Variants in EYS observed in about 807,000 individuals in gnomAD.
EYS encodes protein eyes shut homolog.
EYS carries 250 observed loss-of-function variants against 282.1 expected under a neutral mutation model. The observed-to-expected ratio is 0.89, with a 90% confidence interval of 0.80 to 0.98. The LOEUF (loss-of-function observed/expected upper bound fraction) is 0.98, where lower values mean the gene tolerates loss of function less well. EYS is among the 50% of genes least tolerant of loss of function. The pLI, the probability that EYS is intolerant of heterozygous loss-of-function variation, is 0.00. For synonymous variants in EYS, 1,355 were observed against 1,282.9 expected, an observed-to-expected ratio of 1.06 and a Z score of -1.20; for missense variants, 4,016 against 3,709.0, an observed-to-expected ratio of 1.08 and a Z score of -2.15.
chr6:65,419,743 A>C (rs1767381434), intron 5 of EYS, among the ~76,000 whole-genome samples: 1 of 151,968 alleles, frequency 6.6e-6, no homozygotes, highest in South Asian at 2.1e-4. Context: ...TTTTGTTTAT[A>C]CTAAGTTTTT....
intron 28 of EYS, among the ~76,000 whole-genome samples, chr6:64,431,587 C>T (rs886442315): frequency 2.0e-5 from 3 of 151,962 alleles, no homozygotes; most frequent in African/African-American, 4.8e-5. Context: ...GTTAGCCTAC[C>T]CTATTAAGGA....
intron 31 of EYS, among the ~76,000 whole-genome samples, chr6:64,196,086 T>C (rs1335665363): frequency 6.6e-6 from 1 of 152,074 alleles, no homozygotes; most frequent in African/African-American, 2.4e-5. Context: ...GGGCAAAGGA[T>C]ATGAACAGAC....
intron 13 of EYS, among the ~76,000 whole-genome samples, chr6:65,038,985 T>C (rs1772850737): frequency 6.6e-6 from 1 of 151,556 alleles, no homozygotes; most frequent in Non-Finnish European, 1.5e-5. Context: ...CTTATTCATT[T>C]TCTAAATAGT....
At chr6:64,178,395 G>T (rs931110944) in intron 31 of EYS, among the ~76,000 whole-genome samples, 2 of 152,190 alleles carry the variant, frequency 1.3e-5, no homozygotes, top group African/African-American at 4.8e-5. Context: ...TATCTAAATT[G>T]CTCTGACTCT....
At chr6:65,129,360 C>A (rs9647608) in intron 12 of EYS, among the ~76,000 whole-genome samples, 13,631 of 151,842 alleles carry the variant, frequency 0.09, 811 homozygotes, top group African/African-American at 0.17. Context: ...CAACAAGAGA[C>A]ATTCTCAATA....
chr6:63,736,061 T>C (rs1023169240), intron 41 of EYS, among the ~76,000 whole-genome samples: 18 of 152,192 alleles, frequency 1.2e-4, no homozygotes, highest in African/African-American at 3.6e-4. Context: ...AATATTTGGA[T>C]TTGCCAGGTT....
chr6:64,431,378 A>G (rs1039314303), intron 28 of EYS, among the ~76,000 whole-genome samples: 3 of 152,148 alleles, frequency 2.0e-5, no homozygotes, highest in Admixed American at 1.3e-4. Flanking sequence ...CTGTAGCTAA[A>G]TAAGCACACA....
intron 18 of EYS, among the ~76,000 whole-genome samples, chr6:64,889,811 T>C (rs1279808372): frequency 1.3e-5 from 2 of 151,954 alleles, no homozygotes; most frequent in African/African-American, 2.4e-5. Context: ...TTGTAGAGCA[T>C]GTGTGTTTAA....
At position 64,239,600 on chromosome 6, in the gene EYS, G is replaced by GT. The variant is rs143565376; in HGVS notation, c.6192-8777dup. The stretch of plus-strand genomic sequence containing the variant: ...CCTTTGCCCACTTTTTGATGGGGTT[G>GT]TTTTTTTTTTTTCTTCTAAATTTGT... On this transcript the variant is annotated intron_variant, in intron 30 of 42. Coordinates refer to ENST00000503581, the MANE Select transcript of EYS (RefSeq NM_001142800.2). Among the ~76,000 whole-genome samples the GT allele has an allele frequency of 8.5e-3, 1,231 of 145,024 alleles. 15 individuals are homozygous for GT. Among genetic ancestry groups the GT allele is most frequent in the African/African-American group, 0.025 (1,010 of 39,864 alleles).
chr6:64,023,316 A>G (rs1333770574), intron 33 of EYS, among the ~76,000 whole-genome samples: 2 of 152,256 alleles, frequency 1.3e-5, no homozygotes, highest in Non-Finnish European at 2.9e-5. Flanking sequence ...TTGACATATA[A>G]GTATCTGTTT....
intron 5 of EYS, among the ~76,000 whole-genome samples, chr6:65,456,159 C>G (rs1429426558): frequency 6.6e-6 from 1 of 151,760 alleles, no homozygotes; most frequent in Non-Finnish European, 1.5e-5. Flanking sequence ...CCACAGTACA[C>G]TAAAAAGAAC....
intron 26 of EYS, among the ~76,000 whole-genome samples, chr6:64,576,880 A>G (rs1224521039): frequency 2.0e-5 from 3 of 152,124 alleles, no homozygotes; most frequent in East Asian, 1.9e-4. Flanking sequence ...TCAACTTCCA[A>G]TAACTCAGAA....
chr6:65,384,543 T>C (rs1005976498), intron 7 of EYS, 43 bp from the exon 8 acceptor site: 7 of 986,666 alleles, frequency 7.1e-6, no homozygotes, highest in Non-Finnish European at 9.5e-6. Context: ...ATAATTTAAA[T>C]GTTTTCAGAA....
intron 36 of EYS, chr6:63,822,628 A>T (rs759985905): frequency 3.3e-5 from 5 of 152,244 alleles, no homozygotes; most frequent in Non-Finnish European, 7.3e-5. Context: ...CTGTGCTATT[A>T]AGAAAAGCTA....
chr6:64,454,016 A>T (rs895033409), intron 26 of EYS, among the ~76,000 whole-genome samples: 27 of 152,094 alleles, frequency 1.8e-4, no homozygotes, highest in Non-Finnish European at 2.4e-4. Flanking sequence ...ATAATAATAA[A>T]AAAAAAATTT....
chr6:64,182,631 G>A (rs546350657), intron 31 of EYS, among the ~76,000 whole-genome samples: 67 of 152,158 alleles, frequency 4.4e-4, no homozygotes, highest in African/African-American at 1.5e-3. Context: ...ATCAGTGATC[G>A]TGTCCTGCTT....
intron 5 of EYS, among the ~76,000 whole-genome samples, chr6:65,421,392 G>T (rs745719408): frequency 6.6e-6 from 1 of 151,834 alleles, no homozygotes; most frequent in South Asian, 2.1e-4. Flanking sequence ...ATTGAAGAGA[G>T]CTAGAGTCTT....
At chr6:64,976,439 G>A (rs912290033) in intron 14 of EYS, among the ~76,000 whole-genome samples, 3 of 151,732 alleles carry the variant, frequency 2.0e-5, no homozygotes, top group African/African-American at 4.8e-5. Flanking sequence ...TCTGGTGACT[G>A]GGAAGTTCAA....
intron 28 of EYS, among the ~76,000 whole-genome samples, chr6:64,433,965 G>T (rs1346661756): frequency 6.6e-6 from 1 of 151,976 alleles, no homozygotes; most frequent in Non-Finnish European, 1.5e-5. Context: ...ACTGCTATGG[G>T]TTGAATTGTG....
Sources: allele counts gnomAD v4.1 joint callset (sites outside exome capture counted in the v4.1 genomes callset), GRCh38; gene constraint gnomAD v4.1.1; transcripts MANE v1.5; gene names NCBI Gene and HGNC (gene_info 2026-07-23, HGNC 2026-07-21).